Variants in SH3BGRL2 observed in about 807,000 individuals in gnomAD.
SH3BGRL2 encodes the protein SH3 domain-binding glutamic acid-rich-like protein 2.
SH3BGRL2 carries 21 observed loss-of-function variants against 14.8 expected under a neutral mutation model. The ratio of observed to expected loss-of-function variants is 1.42; its 90% confidence interval spans 1.01 to 2.05. SH3BGRL2 has a LOEUF of 2.05. Among genes scored for constraint, SH3BGRL2 ranks in the 30% most tolerant of loss-of-function variants. The pLI is 0.00. For missense variants in SH3BGRL2, 147 were observed against 130.8 expected, an observed-to-expected ratio of 1.12 and a Z score of -0.61; for synonymous variants, 50 against 47.8, an observed-to-expected ratio of 1.05 and a Z score of -0.19.
At chr6:79,599,428 A>G in the SH3BGRL2 span, among the ~76,000 whole-genome samples, 12 of 149,792 alleles carry the variant, frequency 8.0e-5, no homozygotes, top group East Asian at 4.0e-4. Context: ...CTGGAGTGCA[A>G]TGGTGCAATA....
chr6:79,555,511 A>G, the SH3BGRL2 span, among the ~76,000 whole-genome samples: 1 of 152,114 alleles, frequency 6.6e-6, no homozygotes, highest in South Asian at 2.1e-4. Context: ...ATAAACTGAC[A>G]AACTGTTTGT....
chr6:79,558,747 C>A, the SH3BGRL2 span, among the ~76,000 whole-genome samples: 2 of 152,014 alleles, frequency 1.3e-5, no homozygotes, highest in Middle Eastern at 3.4e-3. Flanking sequence ...ATTCCAGTAA[C>A]ATCAAGCATA....
At chr6:79,599,467 G>A in the SH3BGRL2 span, among the ~76,000 whole-genome samples, 1 of 151,300 alleles carries the variant, frequency 6.6e-6, no homozygotes, top group East Asian at 2.0e-4. Flanking sequence ...CGCCTCCTGG[G>A]TCAAGCAATT....
the SH3BGRL2 span, among the ~76,000 whole-genome samples, chr6:79,597,603 A>G: frequency 1.3e-5 from 2 of 152,220 alleles, no homozygotes; most frequent in African/African-American, 4.8e-5. Context: ...ACCTAACACT[A>G]TATACAAAAT....
At position 79,673,634 on chromosome 6, in the gene SH3BGRL2, T is replaced by C; in HGVS notation, c.66T>C (p.Asp22=). 1.2e-6 allele frequency: 2 copies of C among 1,614,026 alleles called. No homozygotes were observed. The highest frequency in any genetic ancestry group is 1.7e-6 in the Non-Finnish European group (2 of 1,179,968). Residue 22 remains aspartate, a synonymous_variant, in exon 2 of 4, where the codon GAT becomes GAC. Coordinates refer to ENST00000369838, the MANE Select transcript of SH3BGRL2 (RefSeq NM_031469.4). ...TTTAGATAAAGAAGAAGCAGCAAGA[T>C]GTGGTTAGATTTCTGGAAGCCAACA... ...GFVAIKKKQQ[D]VVRFLEANKI... is the part of the protein sequence containing the mutation.
chr6:79,568,723 T>C, the SH3BGRL2 span, among the ~76,000 whole-genome samples: 1 of 152,298 alleles, frequency 6.6e-6, no homozygotes, highest in South Asian at 2.1e-4. Flanking sequence ...TTCTTGTTTT[T>C]TACTCTTTTT....
chr6:79,695,887 T>G (rs1770323609), intron 2 of SH3BGRL2, among the ~76,000 whole-genome samples: 1 of 152,170 alleles, frequency 6.6e-6, no homozygotes, highest in Admixed American at 6.5e-5. Context: ...CTTGTGAAGG[T>G]AGGAAGAGAA....
intron 1 of SH3BGRL2, among the ~76,000 whole-genome samples, chr6:79,654,538 G>A (rs1487928395): frequency 2.6e-5 from 4 of 152,124 alleles, no homozygotes; most frequent in Non-Finnish European, 1.5e-5. Flanking sequence ...TGCTTTTGTT[G>A]TTCCATCTCG....
the SH3BGRL2 span, chr6:79,574,015 A>G: frequency 2.0e-5 from 3 of 152,196 alleles, no homozygotes; most frequent in Admixed American, 1.3e-4. Context: ...GTTGTTGAGT[A>G]GGAAAAATAA....
the SH3BGRL2 span, among the ~76,000 whole-genome samples, chr6:79,552,435 T>C: frequency 6.6e-6 from 1 of 152,226 alleles, no homozygotes; most frequent in African/African-American, 2.4e-5. Flanking sequence ...CTGTTTATAA[T>C]CTGGGATCTT....
intron 1 of SH3BGRL2, among the ~76,000 whole-genome samples, chr6:79,668,437 G>A (rs1769704771): frequency 6.6e-6 from 1 of 152,066 alleles, no homozygotes; most frequent in Non-Finnish European, 1.5e-5. Flanking sequence ...ACTCCCCAGG[G>A]CCCTGTGGGG....
chr6:79,611,814 C>T, the SH3BGRL2 span, among the ~76,000 whole-genome samples: 3 of 152,174 alleles, frequency 2.0e-5, no homozygotes, highest in South Asian at 2.1e-4. Context: ...TTACTAGCTG[C>T]GTTACCTTGG....
intron 1 of SH3BGRL2, among the ~76,000 whole-genome samples, chr6:79,667,342 A>G (rs1352263568): frequency 1.3e-5 from 2 of 152,214 alleles, no homozygotes; most frequent in African/African-American, 4.8e-5. Context: ...TTGGTCCAAG[A>G]GTAGGTTACA....
At chr6:79,654,541 C>G (rs377457524) in intron 1 of SH3BGRL2, among the ~76,000 whole-genome samples, 7 of 152,158 alleles carry the variant, frequency 4.6e-5, no homozygotes, top group South Asian at 2.1e-4. Context: ...TTTTGTTGTT[C>G]CATCTCGATC....
upstream of SH3BGRL2, among the ~76,000 whole-genome samples, chr6:79,627,261 C>A (rs1327383810): frequency 6.6e-6 from 1 of 152,100 alleles, no homozygotes; most frequent in Non-Finnish European, 1.5e-5. Context: ...ATTTGAAGGA[C>A]CTGCATGTAT....
chr6:79,684,377 C>G (rs1770052215), intron 2 of SH3BGRL2, among the ~76,000 whole-genome samples: 1 of 152,004 alleles, frequency 6.6e-6, no homozygotes, highest in Non-Finnish European at 1.5e-5. Flanking sequence ...TGATATTTAT[C>G]TCATAGGTTT....
chr6:79,630,906 G>A (rs1162080279), upstream of SH3BGRL2, among the ~76,000 whole-genome samples: 1 of 152,138 alleles, frequency 6.6e-6, no homozygotes, highest in Non-Finnish European at 1.5e-5. Flanking sequence ...CCTGCTTCAG[G>A]TAGCTGGGGT....
At chr6:79,624,923 G>C in the SH3BGRL2 span, among the ~76,000 whole-genome samples, 1 of 152,020 alleles carries the variant, frequency 6.6e-6, no homozygotes, top group African/African-American at 2.4e-5. Flanking sequence ...TGTAATCCGA[G>C]CACTTTGGGA....
the SH3BGRL2 span, among the ~76,000 whole-genome samples, chr6:79,589,701 CATA>C: frequency 6.6e-6 from 1 of 151,990 alleles, no homozygotes; most frequent in African/African-American, 2.4e-5. Context: ...TTATGGAAAG[CATA>C]ATTATAGTAC....
Sources: allele counts gnomAD v4.1 joint callset (sites outside exome capture counted in the v4.1 genomes callset), GRCh38; gene constraint gnomAD v4.1.1; transcripts MANE v1.5; gene names NCBI Gene and HGNC (gene_info 2026-07-23, HGNC 2026-07-21).